DLX5: variants seen among roughly 807,000 people sequenced by gnomAD.
DLX5 encodes homeobox protein DLX-5.
Under a neutral mutation model 27.1 loss-of-function variants are expected in DLX5, and 8 were observed. The ratio of observed to expected loss-of-function variants is 0.30; its 90% CI spans 0.17 to 0.53. The LOEUF is 0.53. Among genes scored for constraint, DLX5 ranks in the 20% least tolerant of loss-of-function variants. The probability of loss-of-function intolerance (pLI) is 0.95; values close to 1 mark genes in which losing one functional copy is unlikely to be tolerated. For missense variants in DLX5, 339 were observed against 375.1 expected, an observed-to-expected ratio of 0.90 and a Z score of 0.80; for synonymous variants, 178 against 161.9, an observed-to-expected ratio of 1.10 and a Z score of -0.75.
intron 1 of DLX5, chr7:97,022,664 C>T (rs1390351207): frequency 3.2e-6 from 3 of 936,972 alleles, no homozygotes; most frequent in African/African-American, 1.8e-5. Context: ...GTCGTTGCTT[C>T]TTCTCCCGGA....
Position 97,020,594 on chromosome 7 carries a change from A to G in DLX5, c.*142T>C, listed in dbSNP as rs1045102452. 20 of 871,918 alleles carry G rather than the reference A, an allele frequency of 2.3e-5. No individual in the cohort carries two copies. Among genetic ancestry groups the G allele is most frequent in the Middle Eastern group, 3.6e-4 (1 of 2,810 alleles). The allele number at this position is 871,918 out of a possible 1,614,324, so 54.0% of individuals were successfully genotyped here. On this transcript the variant is annotated 3_prime_UTR_variant, in exon 3 of 3. Transcript: ENST00000648378. ...AAAAGGGGGGGTCTTTTGAAATGCA[A>G]TAACTTACATGCAAAAAAAAGCTTT...
At position 97,020,510 on chromosome 7, in the gene DLX5, A is replaced by G; in HGVS notation, c.*226T>C. 2.4e-6 allele frequency: 1 copy of G among 421,090 alleles called. No individual in the cohort carries two copies. The highest frequency in any genetic ancestry group is 4.2e-6 in the Non-Finnish European group (1 of 239,494). 26.1% of individuals were successfully genotyped at this position (421,090 alleles called of 1,614,324 possible). The stretch of plus-strand genomic sequence containing the variant: ...AAAAGTCTTTTGAAAAGTTGAGGTC[A>G]TAGATTTCAAGGCACCATTGAAAGT... On this transcript the variant is annotated 3_prime_UTR_variant, in exon 3 of 3. Transcript: ENST00000648378.
At chr7:97,021,214 G>A in intron 2 of DLX5, 149 bp from the exon 3 acceptor site, 1 of 806,690 alleles carries the variant, frequency 1.2e-6, no homozygotes, top group Non-Finnish European at 1.9e-6. Flanking sequence ...CCGCCAAGAA[G>A]CTATGCCTTA....
At chr7:97,023,785 T>C (rs1790127179) in intron 1 of DLX5, among the ~76,000 whole-genome samples, 1 of 123,132 alleles carries the variant, frequency 8.1e-6, no homozygotes, top group African/African-American at 3.1e-5. Context: ...CCACCCAGCG[T>C]GCTCAGGGCA....
Position 97,022,279 on chromosome 7 carries a change from A to C in DLX5, c.446T>G (p.Leu149Arg), listed in dbSNP as rs999619472. 6.2e-7 allele frequency: 1 copy of C among 1,614,144 alleles called. No individual in the cohort carries two copies. Among genetic ancestry groups the C allele is most frequent in the African/African-American group, 1.3e-5 (1 of 74,956 alleles). ...CTGAAACCTTCTCTGTAATGCGGCC[A>C]GCTGAAAGCTGGAATAAATAGTCCT... ...KPRTIYSSFQ[L>R]AALQRRFQKT... Residue 149 changes from leucine (L) to arginine (R), a missense_variant, in exon 2 of 3, where the codon CTG becomes CGG. Leu to Arg is a moderately radical substitution (Grantham distance 102). Coordinates refer to ENST00000648378, the MANE Select transcript of DLX5 (RefSeq NM_005221.6).
chr7:97,021,680 C>T (rs570956834), intron 2 of DLX5, among the ~76,000 whole-genome samples: 16 of 152,274 alleles, frequency 1.1e-4, no homozygotes, highest in Non-Finnish European at 7.4e-5. Context: ...ACAATAGCGC[C>T]CCCCACCTCG....
At position 97,024,586 on chromosome 7, in the gene DLX5, C is replaced by T. The variant is rs1019627015; in HGVS notation, c.38G>A (p.Arg13Gln). The T allele has an allele frequency of 6.2e-7, 1 of 1,606,290 alleles. No homozygotes were observed. Among genetic ancestry groups the T allele is most frequent in the Non-Finnish European group, 8.5e-7 (1 of 1,173,872 alleles). ...GVFDRRVPSI[R>Q]SGDFQAPFQT... ...GAACGGAGCTTGGAAGTCGCCGGAT[C>T]GGATGCTGGGGACCCTTCTGTCAAA... Residue 13 changes from arginine to glutamine, a missense_variant, in exon 1 of 3, where the codon CGA (arginine) becomes CAA (glutamine). Arg to Gln is a conservative substitution (Grantham distance 43). This residue lies in a region of DLX5 where 188 missense variants were observed against 206.1 expected (regional missense o/e 0.91). Transcript: ENST00000648378. This position sits in a 1 kb window ranked among gnomAD's most constrained non-coding sequence, Gnocchi z 4.6.
intron 1 of DLX5, among the ~76,000 whole-genome samples, chr7:97,023,967 A>AT (rs1381636299): frequency 6.6e-6 from 1 of 151,934 alleles, no homozygotes; most frequent in Non-Finnish European, 1.5e-5. Flanking sequence ...CTCCACCCCT[A>AT]TCCCCTTTCC....
rs754590576 is a variant in DLX5 at position 97,022,210 on chromosome 7, G to A, written c.515C>T (p.Ala172Val). The change falls in exon 2 of 3, where the codon GCC becomes GTC. Residue 172 changes from alanine to valine, a missense_variant. Physicochemically the swap from Ala to Val is moderately conservative, Grantham distance 64 (BLOSUM62 0). Coordinates refer to ENST00000648378, the MANE Select transcript of DLX5 (RefSeq NM_005221.6). ...CTGTGTTTGTGTCAATCCCAGCGAG[G>A]CGGCCAGCTCGGCGCGTTCCGGCAA... Reference protein sequence around the residue: ...LALPERAELAASLGLTQTQVK... With the variant: ...LALPERAELAVSLGLTQTQVK... The A allele has an allele frequency of 1.2e-6, 2 of 1,614,210 alleles. No homozygotes were observed. Among genetic ancestry groups the A allele is most frequent in the Admixed American group, 1.7e-5 (1 of 60,030 alleles).
In DLX5 at chr7:97,024,010, GAAT is replaced by G. The variant is rs1790131395; in HGVS notation, c.355+256_355+258del. 6.6e-6 allele frequency among the ~76,000 whole-genome samples: 1 copy of G among 152,184 alleles called. No homozygotes were observed. Among genetic ancestry groups the G allele is most frequent in the Non-Finnish European group, 1.5e-5 (1 of 68,042 alleles). ...CCGGCTTCCTGGCCGGGCAAGCTGG[GAAT>G]TCAGCGACTGAAGGGCCTTGGAAGG... On this transcript the variant is annotated intron_variant, in intron 1 of 2. Transcript: ENST00000648378. The surrounding 1 kb of genome is among the most constrained non-coding windows in gnomAD (Gnocchi z 4.6).
chr7:97,021,032 T>A lies in DLX5; in HGVS notation c.574A>T (p.Ile192Phe). The A allele has an allele frequency of 6.2e-7, 1 of 1,611,032 alleles. No individual in the cohort carries two copies. The highest frequency in any genetic ancestry group is 8.5e-7 in the Non-Finnish European group (1 of 1,178,078). Residue 192 changes from isoleucine (I) to phenylalanine (F), a missense_variant, in exon 3 of 3, where the codon ATC (isoleucine) becomes TTC (phenylalanine). Around this residue, in one of 3 missense-constraint regions of DLX5, gnomAD observed 136 missense variants for 130.3 expected, o/e 1.04. Coordinates refer to ENST00000648378, the MANE Select transcript of DLX5 (RefSeq NM_005221.6). ...KIWFQNKRSK[I>F]KKIMKNGEMP... ...TCCCCGTTTTTCATGATCTTCTTGA[T>A]CTTGGATCTTTTGTTCTGAAACCAG...
chr7:97,024,181 C>T lies in DLX5; in HGVS notation c.355+88G>A, dbSNP rs1184495591. On this transcript the variant is annotated intron_variant, in intron 1 of 2. Coordinates refer to ENST00000648378, the MANE Select transcript of DLX5 (RefSeq NM_005221.6). This position sits in a 1 kb window ranked among gnomAD's most constrained non-coding sequence, Gnocchi z 4.6. ...CGCGTGCGCCCCCACTGCCGTGAAC[C>T]GCTGTGACCCCCAATCTACCACCCC... 1 of 1,308,770 alleles carries T rather than the reference C, an allele frequency of 7.6e-7. No individual in the cohort carries two copies. Among genetic ancestry groups the T allele is most frequent in the Non-Finnish European group, 1.0e-6 (1 of 959,308 alleles). The allele number at this position is 1,308,770 out of a possible 1,614,324, so 81.1% of individuals were successfully genotyped here. A position where few individuals can be genotyped will look rare whatever the true frequency, so the allele number is the denominator to read the frequency against.
Position 97,020,585 on chromosome 7 carries a change from T to G in DLX5, c.*151A>C. The G allele has an allele frequency of 1.3e-6, 1 of 798,506 alleles. No homozygotes were observed. The highest frequency in any genetic ancestry group is 1.8e-6 in the Non-Finnish European group (1 of 559,160). The allele number at this position is 798,506 out of a possible 1,614,324, so 49.5% of individuals were successfully genotyped here. On this transcript the variant is annotated 3_prime_UTR_variant, in exon 3 of 3. Transcript: ENST00000648378. ...CTCTGTAAAAAAAGGGGGGGTCTTT[T>G]GAAATGCAATAACTTACATGCAAAA...
Position 97,024,730 on chromosome 7 carries a change from G to T in DLX5, c.-107C>A. 1.0e-6 allele frequency: 1 copy of T among 976,146 alleles called. No individual in the cohort carries two copies. Among genetic ancestry groups the T allele is most frequent in the Non-Finnish European group, 1.5e-6 (1 of 662,052 alleles). 60.5% of individuals were successfully genotyped at this position (976,146 alleles called of 1,614,324 possible). Reference sequence around the variant, plus strand: ...TAAGCAGACATGGCTGTGGGAGCGAGGGAGGAGGAGGAAGAGGAGGAGGAG... The same window carrying T: ...TAAGCAGACATGGCTGTGGGAGCGATGGAGGAGGAGGAAGAGGAGGAGGAG... On this transcript the variant is annotated 5_prime_UTR_variant, in exon 1 of 3. Coordinates refer to ENST00000648378, the MANE Select transcript of DLX5 (RefSeq NM_005221.6). The surrounding 1 kb of genome is among the most constrained non-coding windows in gnomAD (Gnocchi z 4.6).
intron 2 of DLX5, 46 bp downstream of exon 2, chr7:97,022,139 G>C: frequency 1.2e-6 from 2 of 1,611,726 alleles, no homozygotes; most frequent in South Asian, 2.2e-5. Context: ...GACCCAACCA[G>C]ACGTGCAGCT....
At position 97,020,874 on chromosome 7, in the gene DLX5, G is replaced by A. The variant is rs767417447; in HGVS notation, c.732C>T (p.Ser244=). 15 of 1,614,078 alleles carry A rather than the reference G, an allele frequency of 9.3e-6. No homozygotes were observed. Among genetic ancestry groups the A allele is most frequent in the Non-Finnish European group, 1.3e-5 (15 of 1,180,042 alleles). The stretch of plus-strand genomic sequence containing the variant: ...GGTAGCTGGACGCTGGGGACTGGTT[G>A]GAGGTCGGAGGGTGGGCATGAGGGT... ...SHHPHAHPPT[S]NQSPASSYLE... is the part of the protein sequence containing the mutation. The change falls in exon 3 of 3, where the codon TCC becomes TCT. Residue 244 remains serine (S), a synonymous_variant. Transcript: ENST00000648378.
Position 97,024,422 on chromosome 7 carries a change from T to G in DLX5, c.202A>C (p.Lys68Gln). The change falls in exon 1 of 3, where the codon AAA becomes CAA. Residue 68 changes from lysine (K) to glutamine (Q), a missense_variant. Lys to Gln is a moderately conservative substitution (Grantham distance 53, BLOSUM62 1). Coordinates refer to ENST00000648378, the MANE Select transcript of DLX5 (RefSeq NM_005221.6). The surrounding 1 kb of genome is among the most constrained non-coding windows in gnomAD (Gnocchi z 4.6). ...YCSPTSASYG[K>Q]ALNPYQYQYH... The stretch of plus-strand genomic sequence containing the variant: ...TGATACTGGTAGGGGTTGAGAGCTT[T>G]GCCATAGGAAGCCGAGGTAGGAGAG... 1 of 1,614,252 alleles carries G rather than the reference T, an allele frequency of 6.2e-7. No homozygotes were observed. The highest frequency in any genetic ancestry group is 8.5e-7 in the Non-Finnish European group (1 of 1,180,044).
In DLX5 at chr7:97,020,599, T is replaced by G; in HGVS notation, c.*137A>C. 1 of 917,928 alleles carries G rather than the reference T, an allele frequency of 1.1e-6. No individual in the cohort carries two copies. The highest frequency in any genetic ancestry group is 2.8e-5 in the East Asian group (1 of 35,162). 56.9% of individuals were successfully genotyped at this position (917,928 alleles called of 1,614,324 possible). A position where few individuals can be genotyped will look rare whatever the true frequency, so the allele number is the denominator to read the frequency against. ...GGGGGGTCTTTTGAAATGCAATAACTTACATGCAAAAAAAAGCTTTACACA... is the reference window on the plus strand; with the variant it reads ...GGGGGGTCTTTTGAAATGCAATAACGTACATGCAAAAAAAAGCTTTACACA... On this transcript the variant is annotated 3_prime_UTR_variant, in exon 3 of 3. Transcript: ENST00000648378.
Position 97,020,605 on chromosome 7 carries a change from G to A in DLX5, c.*131C>T, listed in dbSNP as rs1046985054. 6 of 957,092 alleles carry A rather than the reference G, an allele frequency of 6.3e-6. No individual in the cohort carries two copies. In the African/African-American group the frequency reaches 8.2e-5, roughly 13 times the overall value. 59.3% of individuals were successfully genotyped at this position (957,092 alleles called of 1,614,324 possible). A position where few individuals can be genotyped will look rare whatever the true frequency, so the allele number is the denominator to read the frequency against. On this transcript the variant is annotated 3_prime_UTR_variant, in exon 3 of 3. Transcript: ENST00000648378. ...TCTTTTGAAATGCAATAACTTACAT[G>A]CAAAAAAAAGCTTTACACATGAATC...
Sources: allele counts gnomAD v4.1 joint callset (sites outside exome capture counted in the v4.1 genomes callset), GRCh38; gene constraint gnomAD v4.1.1; regional missense constraint gnomAD v4.1.1; non-coding constraint Gnocchi (gnomAD v3.1); transcripts MANE v1.5; gene names NCBI Gene and HGNC (gene_info 2026-07-23, HGNC 2026-07-21).